SPMAP2L: variants seen among roughly 807,000 people sequenced by gnomAD.
SPMAP2L encodes the protein sperm microtubule associated protein 2 like.
At chr4:56,589,574 G>T in the SPMAP2L span, among the ~76,000 whole-genome samples, 1 of 152,132 alleles carries the variant, frequency 6.6e-6, no homozygotes, top group Non-Finnish European at 1.5e-5. Context: ...AGCATGGGAT[G>T]TGTTTCCATT....
At chr4:56,579,880 A>C in the SPMAP2L span, among the ~76,000 whole-genome samples, 2 of 152,364 alleles carry the variant, frequency 1.3e-5, no homozygotes, top group East Asian at 3.9e-4. Context: ...ACTGAATCTG[A>C]GTCAAGAAGA....
the SPMAP2L span, among the ~76,000 whole-genome samples, chr4:56,625,087 T>C: frequency 6.6e-6 from 1 of 152,280 alleles, no homozygotes; most frequent in Non-Finnish European, 1.5e-5. Context: ...AACCCATCTC[T>C]TGTGGGTGAC....
At chr4:56,599,422 G>C in the SPMAP2L span, among the ~76,000 whole-genome samples, 1 of 151,882 alleles carries the variant, frequency 6.6e-6, no homozygotes, top group East Asian at 1.9e-4. Context: ...CAGGATACAT[G>C]TGCGGAATGT....
chr4:56,592,567 C>A, the SPMAP2L span, among the ~76,000 whole-genome samples: 1 of 152,214 alleles, frequency 6.6e-6, no homozygotes, highest in African/African-American at 2.4e-5. Context: ...CCAGGCTGGA[C>A]GCAGCCGCCA....
the SPMAP2L span, among the ~76,000 whole-genome samples, chr4:56,611,478 A>G: frequency 1.1e-3 from 167 of 152,358 alleles, 1 homozygote; most frequent in African/African-American, 3.6e-3. Context: ...GGTTCAGTGT[A>G]TACTGCTCGG....
the SPMAP2L span, among the ~76,000 whole-genome samples, chr4:56,604,470 C>A: frequency 6.6e-6 from 1 of 151,924 alleles, no homozygotes; most frequent in Non-Finnish European, 1.5e-5. Context: ...CCAGCCTGAC[C>A]AACATGGTGA....
the SPMAP2L span, among the ~76,000 whole-genome samples, chr4:56,532,315 C>G: frequency 2.0e-5 from 3 of 152,060 alleles, no homozygotes; most frequent in Non-Finnish European, 2.9e-5. Context: ...ATTGCTTTAC[C>G]CGCATCTGTA....
chr4:56,597,351 A>G, the SPMAP2L span, among the ~76,000 whole-genome samples: 2 of 152,302 alleles, frequency 1.3e-5, no homozygotes, highest in African/African-American at 4.8e-5. Flanking sequence ...CTCAGCACAG[A>G]GCCTGGAACC....
At chr4:56,563,647 A>G in the SPMAP2L span, among the ~76,000 whole-genome samples, 1 of 152,182 alleles carries the variant, frequency 6.6e-6, no homozygotes, top group Admixed American at 6.6e-5. Context: ...CTTTCAATAT[A>G]TAACTTTAGT....
the SPMAP2L span, among the ~76,000 whole-genome samples, chr4:56,625,496 G>A: frequency 7.9e-5 from 12 of 152,142 alleles, no homozygotes; most frequent in African/African-American, 2.9e-4. Context: ...AACTTGAATT[G>A]TATCTCCCAG....
the SPMAP2L span, among the ~76,000 whole-genome samples, chr4:56,616,210 C>T: frequency 1.3e-5 from 2 of 152,304 alleles, no homozygotes; most frequent in South Asian, 2.1e-4. Flanking sequence ...CTTCTGAGAT[C>T]TCTGTCCTTG....
the SPMAP2L span, among the ~76,000 whole-genome samples, chr4:56,599,221 C>A: frequency 0.01 from 1,590 of 152,058 alleles, 26 homozygotes; most frequent in African/African-American, 0.036. Flanking sequence ...CTCACTCTCT[C>A]ACCCAGGCTG....
the SPMAP2L span, among the ~76,000 whole-genome samples, chr4:56,586,427 A>G: frequency 1.3e-5 from 2 of 152,130 alleles, no homozygotes; most frequent in African/African-American, 4.8e-5. Flanking sequence ...TAATCCTATT[A>G]TGGGGGCTCC....
At chr4:56,541,888 G>A in the SPMAP2L span, among the ~76,000 whole-genome samples, 3 of 151,922 alleles carry the variant, frequency 2.0e-5, no homozygotes, top group African/African-American at 7.3e-5. Context: ...GATCTCAAAC[G>A]ATCCTCCCAC....
At chr4:56,615,895 A>G in the SPMAP2L span, among the ~76,000 whole-genome samples, 1 of 152,178 alleles carries the variant, frequency 6.6e-6, no homozygotes, top group Non-Finnish European at 1.5e-5. Flanking sequence ...GGTGACCCTA[A>G]TGTGCCGCCA....
chr4:56,543,298 T>A, the SPMAP2L span, among the ~76,000 whole-genome samples: 1 of 152,116 alleles, frequency 6.6e-6, no homozygotes, highest in South Asian at 2.1e-4. Flanking sequence ...TTAGCCAGGA[T>A]GGTCTCGACC....
chr4:56,608,453 A>C, the SPMAP2L span, among the ~76,000 whole-genome samples: 1 of 152,134 alleles, frequency 6.6e-6, no homozygotes, highest in Non-Finnish European at 1.5e-5. Context: ...AATGACCCCT[A>C]AGGTATTTTG....
At chr4:56,530,619 C>G in the SPMAP2L span, 1 of 1,499,864 alleles carries the variant, frequency 6.7e-7, no homozygotes, top group South Asian at 1.3e-5. Context: ...GAGCAAACTG[C>G]GCCTGGGCAA....
At chr4:56,612,358 T>C in the SPMAP2L span, among the ~76,000 whole-genome samples, 18 of 151,902 alleles carry the variant, frequency 1.2e-4, no homozygotes, top group African/African-American at 4.3e-4. Context: ...TTTTTCTTTC[T>C]TTTTTTTCTT....
Sources: allele counts gnomAD v4.1 joint callset (sites outside exome capture counted in the v4.1 genomes callset), GRCh38; gene constraint gnomAD v4.1.1; transcripts MANE v1.5; gene names NCBI Gene and HGNC (gene_info 2026-07-23, HGNC 2026-07-21).